Variants in SYNE3 observed in about 807,000 individuals in gnomAD.
SYNE3 encodes the protein spectrin repeat containing nuclear envelope family member 3, also known as nesprin-3.
Under a neutral mutation model 111.2 loss-of-function variants are expected in SYNE3, and 100 were observed. The ratio of observed to expected loss-of-function variants is 0.90; its 90% CI spans 0.77 to 1.06. SYNE3 has a LOEUF of 1.06. Among genes scored for constraint, SYNE3 ranks in the 50% least tolerant of loss-of-function variants. The probability of loss-of-function intolerance (pLI) is 0.00; values close to 1 mark genes in which losing one functional copy is unlikely to be tolerated. For missense variants in SYNE3, 1,160 were observed against 1,240.3 expected (o/e 0.94, Z 0.97); for synonymous variants, 547 against 533.9 (o/e 1.02, Z -0.34).
intron 17 of SYNE3, chr14:95,429,860 G>T: frequency 1.1e-6 from 1 of 872,000 alleles, no homozygotes; most frequent in Non-Finnish European, 1.4e-6. Flanking sequence ...AACATCAGCT[G>T]GACATGTGCG....
intron 9 of SYNE3, among the ~76,000 whole-genome samples, chr14:95,445,326 T>C (rs1886649617): frequency 6.6e-6 from 1 of 152,212 alleles, no homozygotes; most frequent in Admixed American, 6.5e-5. Flanking sequence ...AAAATAACAG[T>C]ACCTCCCTCA....
intron 1 of SYNE3, among the ~76,000 whole-genome samples, chr14:95,504,262 T>C (rs978869576): frequency 2.7e-5 from 4 of 148,804 alleles, no homozygotes; most frequent in African/African-American, 1.0e-4. Flanking sequence ...ACATATTTCC[T>C]TTCTGGCCTT....
In SYNE3 at chr14:95,414,937, T is replaced by TA. The variant is rs1205507938; in HGVS notation, c.*2888dup. 6.6e-6 allele frequency: 1 copy of TA among 152,174 alleles called. No homozygotes were observed. Among genetic ancestry groups the TA allele is most frequent in the Non-Finnish European group, 1.5e-5 (1 of 68,026 alleles). 9.4% of individuals were successfully genotyped at this position (152,174 alleles called of 1,614,324 possible). A position where few individuals can be genotyped will look rare whatever the true frequency, so the allele number is the denominator to read the frequency against. On this transcript the variant is annotated 3_prime_UTR_variant, in exon 18 of 18. Coordinates refer to ENST00000682763, the MANE Select transcript of SYNE3 (RefSeq NM_152592.6). ...AATACTGAAAATATCAATTCTTTTT[T>TA]AAAAAACAGTTATGCAAACAAACAG... is the stretch of plus-strand genomic sequence containing the variant.
intron 15 of SYNE3, among the ~76,000 whole-genome samples, chr14:95,435,004 T>C (rs770927891): frequency 6.6e-6 from 1 of 152,194 alleles, no homozygotes; most frequent in Non-Finnish European, 1.5e-5. Flanking sequence ...ACACAATGTC[T>C]AGCACACAAA....
chr14:95,476,368 G>T (rs540799840), intron 1 of SYNE3, among the ~76,000 whole-genome samples: 1 of 152,328 alleles, frequency 6.6e-6, no homozygotes, highest in South Asian at 2.1e-4. Context: ...CCACCAACCT[G>T]GGTCCATGGG....
intron 1 of SYNE3, among the ~76,000 whole-genome samples, chr14:95,511,439 G>A (rs572763812): frequency 2.6e-5 from 4 of 152,278 alleles, no homozygotes; most frequent in East Asian, 3.9e-4. Context: ...GGTGACTCAC[G>A]CCTGTAATCC....
In SYNE3 at chr14:95,417,756, G is replaced by A. The variant is rs1471244945; in HGVS notation, c.*70C>T. The A allele has an allele frequency of 2.4e-5, 37 of 1,534,402 alleles. No homozygotes were observed. The Middle Eastern group carries it at 6.8e-4, about 28-fold the overall frequency. On this transcript the variant is annotated 3_prime_UTR_variant, in exon 18 of 18. Transcript: ENST00000682763. ...TGCCCCTGTTTCCAGTTTCCCTGGC[G>A]AGCATCCTCAGGAGGGGCCCTGGGA... is the stretch of plus-strand genomic sequence containing the variant.
At chr14:95,494,727 C>T (rs1256287059) in intron 1 of SYNE3, among the ~76,000 whole-genome samples, 3 of 152,190 alleles carry the variant, frequency 2.0e-5, no homozygotes, top group Non-Finnish European at 4.4e-5. Context: ...GCCCTTGCAA[C>T]AGGGCACCTT....
chr14:95,444,515 A>T lies in SYNE3; in HGVS notation c.1746T>A (p.Pro582=). 2 of 1,613,000 alleles carry T rather than the reference A, an allele frequency of 1.2e-6. No homozygotes were observed. Among genetic ancestry groups the T allele is most frequent in the Non-Finnish European group, 1.7e-6 (2 of 1,179,428 alleles). The change falls in exon 10 of 18, where the codon CCT becomes CCA. Residue 582 remains proline, a synonymous_variant. Transcript: ENST00000682763. The stretch of plus-strand genomic sequence containing the variant: ...ACCTTGAGAGCTGGGCCTGTTTTCC[A>T]GGAAGGTCCCGCTGAAGCCCCTTCT... The part of the protein sequence containing the change: ...QAEKGLQRDL[P]GKQAQLSRLQ...
intron 1 of SYNE3, among the ~76,000 whole-genome samples, chr14:95,499,856 CTTTTTTTTTT>C (rs10547044): frequency 1.1e-5 from 1 of 90,062 alleles, no homozygotes; most frequent in South Asian, 4.2e-4. Context: ...TAACTCTTGT[CTTTTTTTTTT>C]TTTTTTTTTT....
intron 17 of SYNE3, among the ~76,000 whole-genome samples, chr14:95,429,166 G>A (rs1004047493): frequency 2.0e-5 from 3 of 152,224 alleles, no homozygotes; most frequent in African/African-American, 7.2e-5. Context: ...ATGTGTCGTT[G>A]CTCCCTTCGC....
At chr14:95,497,142 C>T (rs1890127562) in intron 1 of SYNE3, among the ~76,000 whole-genome samples, 1 of 152,250 alleles carries the variant, frequency 6.6e-6, no homozygotes, top group Admixed American at 6.5e-5. Flanking sequence ...GTCACTGCCC[C>T]AGCCCCTGTC....
intron 1 of SYNE3, among the ~76,000 whole-genome samples, chr14:95,483,322 A>G (rs898693628): frequency 6.6e-6 from 1 of 152,028 alleles, no homozygotes; most frequent in Admixed American, 6.5e-5. Flanking sequence ...GCCGCCCACC[A>G]CAAGCTGACC....
intron 17 of SYNE3, among the ~76,000 whole-genome samples, chr14:95,430,644 T>C (rs1182142897): frequency 1.3e-5 from 2 of 151,970 alleles, no homozygotes; most frequent in Non-Finnish European, 2.9e-5. Flanking sequence ...GCCAACATGG[T>C]GAAACCCCGT....
At chr14:95,443,115 GCT>G in intron 11 of SYNE3, 38 bp downstream of exon 11, 1 of 1,610,450 alleles carries the variant, frequency 6.2e-7, no homozygotes, top group Non-Finnish European at 8.5e-7. Flanking sequence ...ACAGGGGCCG[GCT>G]CTCTGTCAAA....
In SYNE3 at chr14:95,443,282, T is replaced by C. The variant is rs1438039270; in HGVS notation, c.1784A>G (p.Gln595Arg). The C allele has an allele frequency of 6.2e-7, 1 of 1,614,052 alleles. No homozygotes were observed. The highest frequency in any genetic ancestry group is 8.5e-7 in the Non-Finnish European group (1 of 1,180,018). Residue 595 changes from glutamine to arginine, a missense_variant, in exon 11 of 18, where the codon CAG (glutamine) becomes CGG (arginine). By Grantham distance (43) the Gln-to-Arg change is conservative (BLOSUM62 1). Transcript: ENST00000682763. ...TGCCCCCAAGTCCAGCCCCTCTTCC[T>C]GCAGCCCCTGCAGTAGAGAAGGGAA... ...QAQLSRLQGL[Q>R]EEGLDLGAQM... is the part of the protein sequence containing the mutation.
chr14:95,478,980 A>C (rs1220109264), intron 1 of SYNE3, among the ~76,000 whole-genome samples: 1 of 152,006 alleles, frequency 6.6e-6, no homozygotes, highest in African/African-American at 2.4e-5. Flanking sequence ...AGGACCTAGA[A>C]TTGGTCCCAG....
intron 17 of SYNE3, among the ~76,000 whole-genome samples, chr14:95,419,592 A>C (rs993165733): frequency 2.6e-5 from 4 of 151,866 alleles, no homozygotes; most frequent in Non-Finnish European, 5.9e-5. Flanking sequence ...AGGGCACCAA[A>C]AGCCACAGTC....
chr14:95,511,261 G>C (rs757957712), intron 1 of SYNE3, among the ~76,000 whole-genome samples: 5 of 152,192 alleles, frequency 3.3e-5, no homozygotes, highest in Non-Finnish European at 7.3e-5. Context: ...TGAGTGAGAG[G>C]AGCTCTTTCC....
Sources: gnomAD v4.1 joint callset for allele counts (sites outside exome capture counted in the v4.1 genomes callset) on GRCh38, gnomAD v4.1.1 for gene constraint, MANE v1.5 for transcripts, NCBI Gene and HGNC (gene_info 2026-07-23, HGNC 2026-07-21) for gene names.